CPXCR1: variants seen among roughly 807,000 people sequenced by gnomAD.
The protein encoded by CPXCR1 is CPX chromosomal region candidate gene 1 protein.
Under a neutral mutation model 13.8 loss-of-function variants are expected in CPXCR1, and 15 were observed. The ratio of observed to expected loss-of-function variants is 1.09; its 90% confidence interval spans 0.73 to 1.67. The LOEUF (loss-of-function observed/expected upper bound fraction) is 1.67, where lower values mean the gene tolerates loss of function less well. Among genes scored for constraint, CPXCR1 ranks in the 40% most tolerant of loss-of-function variants. CPXCR1 has a pLI of 0.00. For synonymous variants in CPXCR1, 70 were observed against 76.7 expected (o/e 0.91, Z 0.46); for missense variants, 247 against 223.6 (o/e 1.10, Z -0.67).
At position 88,754,188 on chromosome X, in the gene CPXCR1, A is replaced by T. The variant is rs747614527; in HGVS notation, c.774A>T (p.Thr258=). 2 of 1,187,196 alleles carry T rather than the reference A, an allele frequency of 1.7e-6. No individual in the cohort carries two copies. Among genetic ancestry groups the T allele is most frequent in the Admixed American group, 4.4e-5 (2 of 45,607 alleles). The part of the protein sequence containing the change: ...FNIKGFVDIL[T]YIHTMNVMIT... ...TAAAAGGTTTTGTGGATATATTGAC[A>T]TATATCCATACCATGAATGTTATGA... Residue 258 remains threonine (T), a synonymous_variant, in exon 3 of 3, where the codon ACA becomes ACT. Transcript: ENST00000276127.
rs746683075 is a variant in CPXCR1, at chrX:88,750,532, C to T, written c.-9+1109C>T. ...TCATCAGGGATATCGGCCTGAAATTCTCTTTTTCTGTTGTGTCTCTGCCAG... is the reference window on the plus strand; with the variant it reads ...TCATCAGGGATATCGGCCTGAAATTTTCTTTTTCTGTTGTGTCTCTGCCAG... On this transcript the variant is annotated intron_variant, in intron 2 of 2. Transcript: ENST00000276127. Among the ~76,000 whole-genome samples the T allele has an allele frequency of 2.0e-3, 224 of 111,568 alleles. 1 individual carries two copies. The highest frequency in any genetic ancestry group is 3.6e-3 in the Non-Finnish European group (189 of 53,091).
chrX:88,752,528 AT>A (rs1924948537), intron 2 of CPXCR1, among the ~76,000 whole-genome samples: 2 of 20,049 alleles, frequency 1.0e-4, no homozygotes, highest in African/African-American at 3.2e-4. Context: ...TATCCATTTT[AT>A]TTATTTATTT....
chrX:88,752,103 A>T (rs770703611), intron 2 of CPXCR1, among the ~76,000 whole-genome samples: 1 of 112,251 alleles, frequency 8.9e-6, no homozygotes, highest in African/African-American at 3.2e-5. Flanking sequence ...TTCCCTGCCC[A>T]TAATCCTGCT....
In CPXCR1 at chrX:88,754,105, G is replaced by T; in HGVS notation, c.691G>T (p.Ala231Ser). 1 of 1,205,305 alleles carries T rather than the reference G, an allele frequency of 8.3e-7. No individual in the cohort carries two copies. The highest frequency in any genetic ancestry group is 3.0e-5 in the East Asian group (1 of 33,778). Residue 231 changes from alanine to serine, a missense_variant, in exon 3 of 3, where the codon GCT becomes TCT. Transcript: ENST00000276127. ...CACTAAAGGGAAATGTAGATTCCGT[G>T]CTATTGTGAGGTCTGTGCTCTTTGT... The part of the protein sequence containing the change: ...TDTKGKCRFR[A>S]IVRSVLFVSQ...
intron 2 of CPXCR1, among the ~76,000 whole-genome samples, chrX:88,752,489 C>T (rs765469180): frequency 3.6e-4 from 40 of 110,322 alleles, no homozygotes; most frequent in African/African-American, 1.3e-3. Context: ...AATTGCACCT[C>T]TTTGTACAGA....
intron 2 of CPXCR1, among the ~76,000 whole-genome samples, chrX:88,751,395 C>A (rs1275488805): frequency 8.9e-6 from 1 of 112,006 alleles, no homozygotes; most frequent in Non-Finnish European, 1.9e-5. Flanking sequence ...GTTTCTTAAT[C>A]TTGGGTTCTA....
intron 1 of CPXCR1, among the ~76,000 whole-genome samples, chrX:88,747,590 T>C (rs916618293): frequency 4.5e-5 from 5 of 111,826 alleles, no homozygotes; most frequent in South Asian, 3.7e-4. Context: ...TGCAATCATT[T>C]TAAAGTAAAA....
chrX:88,751,992 A>G (rs1924931349), intron 2 of CPXCR1, among the ~76,000 whole-genome samples: 1 of 111,858 alleles, frequency 8.9e-6, no homozygotes, highest in African/African-American at 3.3e-5. Flanking sequence ...CCATGAGAAT[A>G]AAAACCATGT....
chrX:88,750,048 C>G (rs1272036244), intron 2 of CPXCR1, among the ~76,000 whole-genome samples: 2 of 110,501 alleles, frequency 1.8e-5, no homozygotes, highest in Non-Finnish European at 3.8e-5. Flanking sequence ...TTCCTCTGTT[C>G]TTATTTGAAT....
chrX:88,752,480 A>G (rs1264072633), intron 2 of CPXCR1, among the ~76,000 whole-genome samples: 3 of 111,155 alleles, frequency 2.7e-5, no homozygotes, highest in East Asian at 2.8e-4. Flanking sequence ...ACGATTCACA[A>G]TTGCACCTCT....
chrX:88,753,520 G>A lies in CPXCR1; in HGVS notation c.106G>A (p.Ala36Thr). ...DCSTDIESPS[A>T]DPNMIYQVET... ...TAGTACAGACATAGAGTCTCCATCTGCTGATCCCAATATGATCTATCAGGT... is the reference window on the plus strand; with the variant it reads ...TAGTACAGACATAGAGTCTCCATCTACTGATCCCAATATGATCTATCAGGT... The change falls in exon 3 of 3, where the codon GCT becomes ACT. Residue 36 changes from alanine (A) to threonine (T), a missense_variant. By Grantham distance (58) the Ala-to-Thr change is moderately conservative (BLOSUM62 0). Coordinates refer to ENST00000276127, the MANE Select transcript of CPXCR1 (RefSeq NM_033048.6). 3 of 1,207,019 alleles carry A rather than the reference G, an allele frequency of 2.5e-6. 1 individual carries two copies. The East Asian group carries it at 8.9e-5, about 36-fold the overall frequency.
At chrX:88,747,583 A>T (rs1924806633) in intron 1 of CPXCR1, among the ~76,000 whole-genome samples, 1 of 111,939 alleles carries the variant, frequency 8.9e-6, no homozygotes, top group Non-Finnish European at 1.9e-5. Flanking sequence ...TGAGTGATGC[A>T]ATCATTTTAA....
rs1925005050 is a variant in CPXCR1, at chrX:88,753,998, C to T, written c.584C>T (p.Thr195Ile). The T allele has an allele frequency of 8.3e-7, 1 of 1,209,738 alleles. No individual in the cohort carries two copies. The highest frequency in any genetic ancestry group is 1.1e-6 in the Non-Finnish European group (1 of 894,024). ...TTCACCCATCACGAGAGAGCCATAA[C>T]ATTTAGAAGGCCTTCGAGGGTGCAC... ...NSFTHHERAITFRRPSRVHYY... is the reference protein window; with the variant it reads ...NSFTHHERAIIFRRPSRVHYY... Residue 195 changes from threonine to isoleucine, a missense_variant, in exon 3 of 3, where the codon ACA becomes ATA. Transcript: ENST00000276127.
intron 2 of CPXCR1, among the ~76,000 whole-genome samples, chrX:88,752,172 A>T (rs774356195): frequency 1.8e-5 from 2 of 111,901 alleles, no homozygotes; most frequent in East Asian, 5.6e-4. Context: ...AAGTGGAAGC[A>T]TAGAGTTCAG....
intron 2 of CPXCR1, among the ~76,000 whole-genome samples, chrX:88,749,804 G>A (rs1236502439): frequency 9.2e-6 from 1 of 108,489 alleles, no homozygotes; most frequent in Admixed American, 1.0e-4. Flanking sequence ...AAAGTTGGTG[G>A]AAATGAAAAG....
Position 88,752,753 on chromosome X carries a change from G to T in CPXCR1, c.-8-654G>T, listed in dbSNP as rs767184382. Reference sequence around the variant, plus strand: ...GTAGAGACAGGGTTTCACCAGGTTGGTCAGGCTGGTCTTGAAGTTTTGACC... The same window carrying T: ...GTAGAGACAGGGTTTCACCAGGTTGTTCAGGCTGGTCTTGAAGTTTTGACC... On this transcript the variant is annotated intron_variant, in intron 2 of 2. Coordinates refer to ENST00000276127, the MANE Select transcript of CPXCR1 (RefSeq NM_033048.6). Among the ~76,000 whole-genome samples, 11 of 110,296 alleles carry T rather than the reference G, an allele frequency of 1.0e-4. No homozygotes were observed. In the South Asian group the frequency reaches 4.3e-3, roughly 43 times the overall value.
In CPXCR1 at chrX:88,747,895, G is replaced by T. The variant is rs546449777; in HGVS notation, c.-115+526G>T. ...TCTTTCTCCAGAGCATGTGGGCATT[G>T]GAGGATACAGTATAAATAGAATACA... On this transcript the variant is annotated intron_variant, in intron 1 of 2. Coordinates refer to ENST00000276127, the MANE Select transcript of CPXCR1 (RefSeq NM_033048.6). Among the ~76,000 whole-genome samples the T allele has an allele frequency of 3.6e-5, 4 of 112,106 alleles. No individual in the cohort carries two copies. In the South Asian group the frequency reaches 1.5e-3, roughly 41 times the overall value.
chrX:88,748,639 T>A, intron 1 of CPXCR1, among the ~76,000 whole-genome samples: 1 of 111,028 alleles, frequency 9.0e-6, no homozygotes, highest in East Asian at 2.8e-4. Flanking sequence ...TAAACTTAAG[T>A]ACATAGTTTT....
chrX:88,751,803 G>T (rs1457114156), intron 2 of CPXCR1, among the ~76,000 whole-genome samples: 1 of 111,790 alleles, frequency 8.9e-6, no homozygotes, highest in African/African-American at 3.3e-5. Context: ...TTGGAACAGA[G>T]AAAGCATGTT....
Sources: allele counts gnomAD v4.1 joint callset (sites outside exome capture counted in the v4.1 genomes callset), GRCh38; gene constraint gnomAD v4.1.1; transcripts MANE v1.5; gene names NCBI Gene and HGNC (gene_info 2026-07-23, HGNC 2026-07-21).